Variants in DYNC1H1 observed in about 807,000 individuals in gnomAD.
DYNC1H1 encodes the protein dynein cytoplasmic 1 heavy chain 1, also known as cytoplasmic dynein 1 heavy chain 1.
In DYNC1H1, 51 loss-of-function variants were observed where a neutral mutation model predicts 527.1. The observed-to-expected ratio is 0.10, with a 90% confidence interval of 0.08 to 0.12. DYNC1H1 has a LOEUF of 0.12. Among genes scored for constraint, DYNC1H1 ranks in the 10% least tolerant of loss-of-function variants. The pLI is 1.00. For missense variants in DYNC1H1, 2,771 were observed against 5,971.8 expected (o/e 0.46, Z 17.66); for synonymous variants, 2,189 against 2,278.8 (o/e 0.96, Z 1.12).
chr14:102,010,758 T>C lies in DYNC1H1; in HGVS notation c.6424T>C (p.Cys2142Arg). 1 of 1,613,078 alleles carries C rather than the reference T, an allele frequency of 6.2e-7. No homozygotes were observed. Among genetic ancestry groups the C allele is most frequent in the Non-Finnish European group, 8.5e-7 (1 of 1,179,914 alleles). The part of the protein sequence containing the change: ...PEQEILIQSV[C>R]ETMVPKLVAE... The stretch of plus-strand genomic sequence containing the variant: ...CCCGTAGATTCTGATACAGAGCGTC[T>C]GTGAGACGATGGTGCCAAAGCTGGT... The change falls in exon 32 of 78, where the codon TGT becomes CGT. Residue 2142 changes from cysteine (C) to arginine (R), a missense_variant. By Grantham distance (180) the Cys-to-Arg change is radical (BLOSUM62 -3). Coordinates refer to ENST00000360184, the MANE Select transcript of DYNC1H1 (RefSeq NM_001376.5). The surrounding 1 kb of genome is among the most constrained non-coding windows in gnomAD (Gnocchi z 6.0).
rs542843477 is a variant in DYNC1H1, at chr14:102,044,755, G to A, written c.13006+57G>A. 27 of 1,385,710 alleles carry A rather than the reference G, an allele frequency of 1.9e-5. No individual in the cohort carries two copies. The highest frequency in any genetic ancestry group is 2.6e-4 in the Middle Eastern group (1 of 3,896). The allele number at this position is 1,385,710 out of a possible 1,614,324, so 85.8% of individuals were successfully genotyped here. A position where few individuals can be genotyped will look rare whatever the true frequency, so the allele number is the denominator to read the frequency against. On this transcript the variant is annotated intron_variant, in intron 72 of 77. Coordinates refer to ENST00000360184, the MANE Select transcript of DYNC1H1 (RefSeq NM_001376.5). This position sits in a 1 kb window ranked among gnomAD's most constrained non-coding sequence, Gnocchi z 7.1. ...GTGGGTGGCGAGGGTCCCCTCACGCGGGGTGGGTGGCGAGGGTCCCCACAC... is the reference window on the plus strand; with the variant it reads ...GTGGGTGGCGAGGGTCCCCTCACGCAGGGTGGGTGGCGAGGGTCCCCACAC...
intron 76 of DYNC1H1, 57 bp from the exon 77 acceptor site, chr14:102,050,012 CTG>C: frequency 6.2e-7 from 1 of 1,614,182 alleles, no homozygotes; most frequent in Non-Finnish European, 8.5e-7. Context: ...CGCCCTGTGA[CTG>C]GGGTTTGTGT....
intron 34 of DYNC1H1, among the ~76,000 whole-genome samples, chr14:102,013,807 A>G (rs2048288506): frequency 6.6e-6 from 1 of 152,218 alleles, no homozygotes; most frequent in South Asian, 2.1e-4. Context: ...TCAGACCTCC[A>G]GGCACCAGGG....
In DYNC1H1 at chr14:102,050,176, A is replaced by G; in HGVS notation, c.13790A>G (p.Asn4597Ser). The G allele has an allele frequency of 6.2e-7, 1 of 1,613,530 alleles. No individual in the cohort carries two copies. Among genetic ancestry groups the G allele is most frequent in the Non-Finnish European group, 8.5e-7 (1 of 1,179,838 alleles). ...CAGCTGCGCTGGGTCAAGCAGACAA[A>G]CACCGAGAAGAAGGCCAGTGTGGTA... Reference protein sequence around the residue: ...LTQLRWVKQTNTEKKASVVTL... With the variant: ...LTQLRWVKQTSTEKKASVVTL... The change falls in exon 77 of 78, where the codon AAC (asparagine) becomes AGC (serine). Residue 4597 changes from asparagine to serine, a missense_variant. Transcript: ENST00000360184.
At chr14:101,970,318 C>T (rs893830184) in intron 1 of DYNC1H1, among the ~76,000 whole-genome samples, 4 of 151,570 alleles carry the variant, frequency 2.6e-5, no homozygotes, top group African/African-American at 9.7e-5. Flanking sequence ...CATGGCCCCT[C>T]AGGAGGATGA....
At position 101,976,467 on chromosome 14, in the gene DYNC1H1, G is replaced by A. The variant is rs17511921; in HGVS notation, c.344+668G>A. Among the ~76,000 whole-genome samples, 555 of 151,472 alleles carry A rather than the reference G, an allele frequency of 3.7e-3. 3 individuals are homozygous for A. The highest frequency in any genetic ancestry group is 0.011 in the African/African-American group (449 of 41,352). On this transcript the variant is annotated intron_variant, in intron 2 of 77. Transcript: ENST00000360184. The stretch of plus-strand genomic sequence containing the variant: ...TGAGGCAGTTGAATAGCTTGAACCC[G>A]GGAGGCAGAGGTTGCAGTGAGCCGA...
rs752286578 is a variant in DYNC1H1 at position 102,036,446 on chromosome 14, C to G, written c.10755-43C>G. ...GGCTAACCGTGATCCTGTGCTTTCC[C>G]CATTCGGTGTTTCAACCTTCTCTTC... On this transcript the variant is annotated intron_variant, in intron 56 of 77. Coordinates refer to ENST00000360184, the MANE Select transcript of DYNC1H1 (RefSeq NM_001376.5). This position sits in a 1 kb window ranked among gnomAD's most constrained non-coding sequence, Gnocchi z 5.6. 2 of 1,611,264 alleles carry G rather than the reference C, an allele frequency of 1.2e-6. No individual in the cohort carries two copies. The highest frequency in any genetic ancestry group is 2.0e-4 in the Middle Eastern group (1 of 4,974).
rs1250772722 is a variant in DYNC1H1, at chr14:102,051,886, A to T, written c.*1323A>T. 1 of 151,968 alleles carries T rather than the reference A, an allele frequency of 6.6e-6. No individual in the cohort carries two copies. Among genetic ancestry groups the T allele is most frequent in the Non-Finnish European group, 1.5e-5 (1 of 68,022 alleles). The allele number at this position is 151,968 out of a possible 1,614,324, so 9.4% of individuals were successfully genotyped here. On this transcript the variant is annotated 3_prime_UTR_variant, in exon 78 of 78. Coordinates refer to ENST00000360184, the MANE Select transcript of DYNC1H1 (RefSeq NM_001376.5). ...ATATTTTTAGTAGAGACAGGGCTTC[A>T]CCGTGTTGGCCAGGCTGGTCTCAAA...
chr14:102,017,820 A>C lies in DYNC1H1; in HGVS notation c.8177+316A>C. The C allele has an allele frequency of 6.1e-5, 22 of 359,048 alleles. No homozygotes were observed. Among genetic ancestry groups the C allele is most frequent in the East Asian group, 2.1e-4 (3 of 14,554 alleles). 22.2% of individuals were successfully genotyped at this position (359,048 alleles called of 1,614,324 possible). A position where few individuals can be genotyped will look rare whatever the true frequency, so the allele number is the denominator to read the frequency against. On this transcript the variant is annotated intron_variant, in intron 40 of 77. Transcript: ENST00000360184. This position sits in a 1 kb window ranked among gnomAD's most constrained non-coding sequence, Gnocchi z 4.6. ...TCTCTACTGAAAATACAAAAACAAA[A>C]TTAAGGCCGGGCGTGGTGGCTTACG...
intron 5 of DYNC1H1, among the ~76,000 whole-genome samples, chr14:101,982,750 A>G (rs186510657): frequency 6.8e-6 from 1 of 147,292 alleles, no homozygotes; most frequent in East Asian, 2.0e-4. Flanking sequence ...CCACTGATAT[A>G]GAAAGCAAAG....
intron 11 of DYNC1H1, 65 bp downstream of exon 11, chr14:101,991,738 C>G (rs2048000663): frequency 1.3e-6 from 2 of 1,597,206 alleles, no homozygotes; most frequent in South Asian, 1.1e-5. Context: ...TGTGATACCA[C>G]TTCTTCATGG....
rs1466233504 is a variant in DYNC1H1, at chr14:102,015,870, A to G, written c.7257A>G (p.Ala2419=). The change falls in exon 36 of 78, where the codon GCA becomes GCG. Residue 2419 remains alanine, a synonymous_variant. Coordinates refer to ENST00000360184, the MANE Select transcript of DYNC1H1 (RefSeq NM_001376.5). The surrounding 1 kb of genome is among the most constrained non-coding windows in gnomAD (Gnocchi z 6.9). ...CCACTTTCTAGATCCAAAGAGATGC[A>G]GCTACGATCATGCAACCGTACTTCA... ...ASPMLQIQRD[A]ATIMQPYFTS... The G allele has an allele frequency of 6.2e-7, 1 of 1,614,244 alleles. No homozygotes were observed. Among genetic ancestry groups the G allele is most frequent in the South Asian group, 1.1e-5 (1 of 91,080 alleles).
At chr14:102,037,522 C>T (rs1002968547) in intron 57 of DYNC1H1, 2 of 151,978 alleles carry the variant, frequency 1.3e-5, no homozygotes, top group Admixed American at 6.6e-5. Context: ...GGCCATTATC[C>T]TCAGCAAACT....
At chr14:102,026,489 C>A in intron 43 of DYNC1H1, 85 bp from the exon 44 acceptor site, 1 of 1,435,472 alleles carries the variant, frequency 7.0e-7, no homozygotes, top group Non-Finnish European at 9.7e-7. Flanking sequence ...ACAGTTTCTT[C>A]ATGGTATGTG....
At position 102,040,316 on chromosome 14, in the gene DYNC1H1, T is replaced by A. The variant is rs1054765176; in HGVS notation, c.11771T>A (p.Ile3924Asn). The part of the protein sequence containing the change: ...IVLSAGSTPR[I>N]QGLTVEQAEA... ...CTGAGTGCTGGCTCCACCCCCAGGA[T>A]CCAGGGCCTGACTGTGGAGCAGGCG... The change falls in exon 63 of 78, where the codon ATC becomes AAC. Residue 3924 changes from isoleucine (I) to asparagine (N), a missense_variant. By Grantham distance (149) the Ile-to-Asn change is moderately radical. Transcript: ENST00000360184. 1 of 1,614,050 alleles carries A rather than the reference T, an allele frequency of 6.2e-7. No homozygotes were observed. Among genetic ancestry groups the A allele is most frequent in the Non-Finnish European group, 8.5e-7 (1 of 1,180,036 alleles).
chr14:102,019,785 G>C (rs2048364694), intron 41 of DYNC1H1, 108 bp from the exon 42 acceptor site: 2 of 1,387,242 alleles, frequency 1.4e-6, no homozygotes, highest in Admixed American at 3.4e-5. Context: ...AAATATTTCA[G>C]GGTCTAGGTT....
rs752702437 is a variant in DYNC1H1, at chr14:101,975,773, C to T, written c.318C>T (p.Asp106=). 6.3e-5 allele frequency: 102 copies of T among 1,613,208 alleles called. No homozygotes were observed. Among genetic ancestry groups the T allele is most frequent in the Non-Finnish European group, 8.0e-5 (94 of 1,179,386 alleles). Residue 106 remains aspartate (D), a synonymous_variant, in exon 2 of 78, where the codon GAC becomes GAT. Transcript: ENST00000360184. ...TCATTTCCTATAACATCAACATAGA[C>T]ATTCATTATGGGGTTAAATCCAATA... ...KEFISYNINI[D]IHYGVKSNSL...
intron 2 of DYNC1H1, among the ~76,000 whole-genome samples, chr14:101,976,762 G>C (rs575936867): frequency 6.6e-6 from 1 of 152,094 alleles, no homozygotes; most frequent in Admixed American, 6.5e-5. Flanking sequence ...GTCAGCCCTC[G>C]ATATCTGTGG....
Position 101,983,421 on chromosome 14 carries a change from G to C in DYNC1H1, c.1273G>C (p.Asp425His). 6.2e-7 allele frequency: 1 copy of C among 1,614,140 alleles called. No individual in the cohort carries two copies. Among genetic ancestry groups the C allele is most frequent in the East Asian group, 2.2e-5 (1 of 44,886 alleles). ...CTTTGAAGTTTTTCAGACTTGGGAT[G>C]ATGAGTATGAGAAACTTCAGGTATT... is the stretch of plus-strand genomic sequence containing the variant. ...ACFEVFQTWD[D>H]EYEKLQVLLR... The change falls in exon 7 of 78, where the codon GAT (aspartate) becomes CAT (histidine). Residue 425 changes from aspartate (D) to histidine (H), a missense_variant. Physicochemically the swap from Asp to His is moderately conservative, Grantham distance 81 (BLOSUM62 -1). Around this residue, in one of 32 missense-constraint regions of DYNC1H1, gnomAD observed 264 missense variants for 619.4 expected, o/e 0.43. Transcript: ENST00000360184. The surrounding 1 kb of genome is among the most constrained non-coding windows in gnomAD (Gnocchi z 5.3).
Sources: allele counts gnomAD v4.1 joint callset (sites outside exome capture counted in the v4.1 genomes callset), GRCh38; gene constraint gnomAD v4.1.1; regional missense constraint gnomAD v4.1.1; non-coding constraint Gnocchi (gnomAD v3.1); transcripts MANE v1.5; gene names NCBI Gene and HGNC (gene_info 2026-07-23, HGNC 2026-07-21).